ACSS3: variants seen among roughly 807,000 people sequenced by gnomAD.
ACSS3 encodes the protein acyl-CoA synthetase short chain family member 3.
Under a neutral mutation model 84.2 loss-of-function variants are expected in ACSS3, and 64 were observed. The observed-to-expected ratio is 0.76, with a 90% confidence interval of 0.62 to 0.94. The LOEUF (loss-of-function observed/expected upper bound fraction) is 0.94, where lower values mean the gene tolerates loss of function less well. ACSS3 is among the 40% of genes least tolerant of loss of function. ACSS3 has a pLI of 0.00. For synonymous variants in ACSS3, 317 were observed against 310.1 expected (o/e 1.02, Z -0.23); for missense variants, 815 against 867.6 (o/e 0.94, Z 0.76).
intron 1 of ACSS3, among the ~76,000 whole-genome samples, chr12:81,080,151 C>T (rs1427401866): frequency 6.6e-6 from 1 of 151,964 alleles, no homozygotes; most frequent in Non-Finnish European, 1.5e-5. Context: ...AAATGAAAAA[C>T]AGTGAGGGCC....
chr12:81,227,139 G>A (rs2033300180), intron 11 of ACSS3, among the ~76,000 whole-genome samples: 1 of 151,854 alleles, frequency 6.6e-6, no homozygotes, highest in Non-Finnish European at 1.5e-5. Context: ...GTTTGAGTCT[G>A]AAGGCAGAAC....
In ACSS3 at chr12:81,255,866, C is replaced by A. The variant is rs189585718; in HGVS notation, c.*944C>A. 6.6e-6 allele frequency: 1 copy of A among 152,302 alleles called. No individual in the cohort carries two copies. Among genetic ancestry groups the A allele is most frequent in the Non-Finnish European group, 1.5e-5 (1 of 68,038 alleles). 9.4% of individuals were successfully genotyped at this position (152,302 alleles called of 1,614,324 possible). On this transcript the variant is annotated 3_prime_UTR_variant, in exon 16 of 16. Transcript: ENST00000548058. ...AAGAGATCATTTAGTCCAATCTCTTCATGGAGATGAGGGCTCCTGGGAGCC... is the reference window on the plus strand; with the variant it reads ...AAGAGATCATTTAGTCCAATCTCTTAATGGAGATGAGGGCTCCTGGGAGCC...
intron 2 of ACSS3, among the ~76,000 whole-genome samples, chr12:81,134,142 TA>T (rs143767508): frequency 0.012 from 1,849 of 151,280 alleles, 40 homozygotes; most frequent in African/African-American, 0.041. Flanking sequence ...ATAATTAGTG[TA>T]AAAAAAAACT....
intron 2 of ACSS3, among the ~76,000 whole-genome samples, chr12:81,113,912 T>C (rs1020346821): frequency 2.0e-5 from 3 of 152,230 alleles, no homozygotes; most frequent in Middle Eastern, 3.4e-3. Context: ...TTCAAGTTAG[T>C]CGTTATATTA....
chr12:81,222,862 T>A lies in ACSS3; in HGVS notation c.1514+2786T>A, dbSNP rs1481364092. On this transcript the variant is annotated intron_variant, in intron 11 of 15. Transcript: ENST00000548058. ...ATTACTTACATTCATAGAATTTATCTTTCTAGTAGAAGTGAGAACTTCATG... is the reference window on the plus strand; with the variant it reads ...ATTACTTACATTCATAGAATTTATCATTCTAGTAGAAGTGAGAACTTCATG... Among the ~76,000 whole-genome samples the A allele has an allele frequency of 2.0e-5, 3 of 152,028 alleles. No individual in the cohort carries two copies. The East Asian group carries it at 5.8e-4, about 29-fold the overall frequency.
intron 3 of ACSS3, among the ~76,000 whole-genome samples, chr12:81,135,731 T>C (rs1593113141): frequency 6.6e-6 from 1 of 152,008 alleles, no homozygotes; most frequent in East Asian, 1.9e-4. Context: ...TGTACACTAT[T>C]TGGGTGACAA....
At position 81,260,485 on chromosome 12, in the gene ACSS3, A is replaced by G. The variant is rs2035055721; in HGVS notation, c.*5563A>G. ...TATAATGCTATGTGTAGAATCTAAT[A>G]TAAACAGTATTTTGGGAGACCTCTT... On this transcript the variant is annotated 3_prime_UTR_variant, in exon 16 of 16. Coordinates refer to ENST00000548058, the MANE Select transcript of ACSS3 (RefSeq NM_024560.4). 5.3e-5 allele frequency: 8 copies of G among 152,316 alleles called. No individual in the cohort carries two copies. The South Asian group carries it at 1.7e-3, about 32-fold the overall frequency. The allele number at this position is 152,316 out of a possible 1,614,324, so 9.4% of individuals were successfully genotyped here.
intron 1 of ACSS3, among the ~76,000 whole-genome samples, chr12:81,098,149 A>AGTGTGT (rs1297818893): frequency 9.1e-6 from 1 of 110,068 alleles, no homozygotes; most frequent in Non-Finnish European, 1.9e-5. Flanking sequence ...AGAGAGAGAG[A>AGTGTGT]GAGTGTGTGT....
intron 5 of ACSS3, among the ~76,000 whole-genome samples, chr12:81,151,247 A>T (rs1202863928): frequency 6.6e-6 from 1 of 152,114 alleles, no homozygotes; most frequent in Non-Finnish European, 1.5e-5. Context: ...TATAAGACAA[A>T]TTTTTTAACC....
intron 8 of ACSS3, among the ~76,000 whole-genome samples, chr12:81,176,361 G>A (rs957535007): frequency 6.6e-5 from 10 of 152,036 alleles, no homozygotes; most frequent in African/African-American, 1.9e-4. Flanking sequence ...GGTGGATCAC[G>A]CAGTCGAGAC....
intron 8 of ACSS3, among the ~76,000 whole-genome samples, chr12:81,197,049 GA>G (rs1273558806): frequency 2.0e-5 from 3 of 152,018 alleles, no homozygotes; most frequent in Non-Finnish European, 4.4e-5. Flanking sequence ...TATATTAGCA[GA>G]TTTTTTTTTA....
chr12:81,254,857 A>G lies in ACSS3; in HGVS notation c.1996A>G (p.Ile666Val). ...SAIVNGKPYK[I>V]TSTIEDPSIF... is the part of the protein sequence containing the mutation. ...CACCTGACCCTAATTTTTTTTCCAG[A>G]TAACTTCTACAATTGAAGACCCCAG... Residue 666 changes from isoleucine (I) to valine (V), a missense_variant and splice_region_variant, in exon 16 of 16, where the codon ATA becomes GTA. Physicochemically the swap from Ile to Val is conservative, Grantham distance 29. Transcript: ENST00000548058. 5.0e-6 allele frequency: 8 copies of G among 1,603,290 alleles called. No individual in the cohort carries two copies. The highest frequency in any genetic ancestry group is 6.8e-6 in the Non-Finnish European group (8 of 1,175,734).
intron 2 of ACSS3, among the ~76,000 whole-genome samples, chr12:81,120,315 A>G (rs1312089538): frequency 6.6e-6 from 1 of 152,232 alleles, no homozygotes; most frequent in Admixed American, 6.5e-5. Context: ...GTAGGAAGAG[A>G]ATAGAAGAAG....
At chr12:81,243,076 T>C (rs1217867831) in intron 13 of ACSS3, among the ~76,000 whole-genome samples, 1 of 152,080 alleles carries the variant, frequency 6.6e-6, no homozygotes, top group Non-Finnish European at 1.5e-5. Flanking sequence ...ATTGTCCCTG[T>C]TTGCAGATGA....
At chr12:81,196,915 A>T (rs974389262) in intron 8 of ACSS3, among the ~76,000 whole-genome samples, 5 of 152,186 alleles carry the variant, frequency 3.3e-5, no homozygotes, top group Non-Finnish European at 4.4e-5. Context: ...GTCACATTTC[A>T]ACATGAGATT....
At chr12:81,153,407 CAAA>C (rs537765971) in intron 7 of ACSS3, among the ~76,000 whole-genome samples, 4 of 83,012 alleles carry the variant, frequency 4.8e-5, no homozygotes, top group Non-Finnish European at 2.6e-5. Flanking sequence ...GACTCCATCT[CAAA>C]AAAAAAAAAA....
intron 9 of ACSS3, among the ~76,000 whole-genome samples, chr12:81,211,185 G>T (rs980121036): frequency 6.6e-6 from 1 of 152,088 alleles, no homozygotes; most frequent in Non-Finnish European, 1.5e-5. Flanking sequence ...TCACCACGTT[G>T]CCCAGGCTGG....
chr12:81,211,268 C>CT (rs889917912), intron 9 of ACSS3, among the ~76,000 whole-genome samples: 4 of 151,224 alleles, frequency 2.6e-5, no homozygotes, highest in East Asian at 2.0e-4. Flanking sequence ...TCAGGAGCCT[C>CT]TTTTTTTTTA....
chr12:81,212,145 T>C, intron 9 of ACSS3, among the ~76,000 whole-genome samples: 1 of 152,234 alleles, frequency 6.6e-6, no homozygotes, highest in Non-Finnish European at 1.5e-5. Flanking sequence ...TGTTTCCTTT[T>C]TCCGTTAGTA....
Sources: allele counts gnomAD v4.1 joint callset (sites outside exome capture counted in the v4.1 genomes callset), GRCh38; gene constraint gnomAD v4.1.1; transcripts MANE v1.5; gene names NCBI Gene and HGNC (gene_info 2026-07-23, HGNC 2026-07-21).